The following KMT2C variants were observed in gnomAD, a reference collection of about 807,000 sequenced individuals.
KMT2C encodes histone-lysine N-methyltransferase 2C.
KMT2C carries 88 observed loss-of-function variants against 507.9 expected under a neutral mutation model. The ratio of observed to expected loss-of-function variants is 0.17; its 90% CI spans 0.15 to 0.21. The LOEUF (loss-of-function observed/expected upper bound fraction) is 0.21, where lower values mean the gene tolerates loss of function less well. Ranked by LOEUF, KMT2C falls within the 10% of genes least tolerant of loss-of-function variation. KMT2C has a pLI of 1.00. For synonymous variants in KMT2C, 2,049 were observed against 2,080.8 expected (o/e 0.98, Z 0.42); for missense variants, 4,954 against 5,957.8 (o/e 0.83, Z 5.55).
chr7:152,355,566 C>CA lies in KMT2C; in HGVS notation c.250+3020dup, dbSNP rs1341234180. 7.8e-4 allele frequency among the ~76,000 whole-genome samples: 117 copies of CA among 150,050 alleles called. 1 individual carries two copies. The highest frequency in any genetic ancestry group is 2.8e-3 in the African/African-American group (114 of 40,634). ...AGGAAAAAACAAAAAAACAAACAAA[C>CA]AAACAAAAAAAAACCAAGACAATGC... On this transcript the variant is annotated intron_variant, in intron 2 of 58. Transcript: ENST00000262189.
chr7:152,271,005 A>G (rs909145546), intron 7 of KMT2C, among the ~76,000 whole-genome samples: 5 of 152,162 alleles, frequency 3.3e-5, no homozygotes, highest in African/African-American at 1.2e-4. Context: ...CTTAGGAAGC[A>G]ACAGAAAATA....
intron 1 of KMT2C, among the ~76,000 whole-genome samples, chr7:152,399,717 AGAGG>A (rs1395928568): frequency 1.3e-5 from 2 of 152,244 alleles, no homozygotes; most frequent in East Asian, 3.9e-4. Flanking sequence ...TTGACAGGTA[AGAGG>A]GAGGGCAACA....
chr7:152,334,724 G>A (rs1589262110), intron 2 of KMT2C, among the ~76,000 whole-genome samples: 1 of 152,146 alleles, frequency 6.6e-6, no homozygotes, highest in South Asian at 2.1e-4. Context: ...CAGTCGCAAT[G>A]CTGCCAATGA....
intron 2 of KMT2C, 74 bp from the exon 3 acceptor site, chr7:152,330,813 A>G: frequency 7.5e-7 from 1 of 1,342,232 alleles, no homozygotes; most frequent in Non-Finnish European, 1.1e-6. Flanking sequence ...ATGTATCTAT[A>G]AAGCATAGGT....
chr7:152,149,575 G>A (rs1315954693), intron 51 of KMT2C, among the ~76,000 whole-genome samples: 1 of 152,272 alleles, frequency 6.6e-6, no homozygotes, highest in South Asian at 2.1e-4. Flanking sequence ...CTGCAGCATC[G>A]TTTCTTGAGA....
At chr7:152,350,779 C>A (rs2097104433) in intron 2 of KMT2C, among the ~76,000 whole-genome samples, 1 of 152,222 alleles carries the variant, frequency 6.6e-6, no homozygotes, top group African/African-American at 2.4e-5. Flanking sequence ...TATTATTTTT[C>A]TTTGCTCAGT....
chr7:152,383,538 A>G lies in KMT2C; in HGVS notation c.162-24863T>C, dbSNP rs574900362. Among the ~76,000 whole-genome samples, 74 of 151,640 alleles carry G rather than the reference A, an allele frequency of 4.9e-4. 1 individual carries two copies. The highest frequency in any genetic ancestry group is 1.6e-3 in the African/African-American group (65 of 40,896). On this transcript the variant is annotated intron_variant, in intron 1 of 58. Coordinates refer to ENST00000262189, the MANE Select transcript of KMT2C (RefSeq NM_170606.3). Reference sequence around the variant, plus strand: ...GGGAAACCCTGGGAAAGGAGGGATTATATTACACATGTTATGGGAACTAGT... The same window carrying G: ...GGGAAACCCTGGGAAAGGAGGGATTGTATTACACATGTTATGGGAACTAGT...
chr7:152,187,296 A>G lies in KMT2C; in HGVS notation c.4974T>C (p.Asn1658=). 1.2e-6 allele frequency: 2 copies of G among 1,614,004 alleles called. No homozygotes were observed. The highest frequency in any genetic ancestry group is 1.7e-6 in the Non-Finnish European group (2 of 1,179,936). Residue 1658 remains asparagine (N), a synonymous_variant, in exon 33 of 59, where the codon AAT becomes AAC. Coordinates refer to ENST00000262189, the MANE Select transcript of KMT2C (RefSeq NM_170606.3). The stretch of plus-strand genomic sequence containing the variant: ...CTTCCTTTAAGTTGGGGAAATTAAT[A>G]TTGGTGTAGAGAACTGGGGCAACAG... ...MATVAPVLYT[N]INFPNLKEEF...
At chr7:152,329,062 C>T (rs772239096) in intron 3 of KMT2C, among the ~76,000 whole-genome samples, 1 of 151,978 alleles carries the variant, frequency 6.6e-6, no homozygotes, top group Admixed American at 6.6e-5. Context: ...ACACGTGAGA[C>T]TCTTAAGGGC....
chr7:152,209,558 T>C (rs1291680096), intron 23 of KMT2C, among the ~76,000 whole-genome samples: 1 of 150,932 alleles, frequency 6.6e-6, no homozygotes, highest in Admixed American at 6.6e-5. Flanking sequence ...AAAAACACAC[T>C]GAAATAATCT....
rs1183345172 is a variant in KMT2C at position 152,249,673 on chromosome 7, C to CAAAA, written c.1813+199_1813+202dup. ...ATTTTTAATCATGACCTCCCCCCTC[C>CAAAA]AAAAAAAAAAAAAAAAAAAAAAAAA... is the stretch of plus-strand genomic sequence containing the variant. On this transcript the variant is annotated intron_variant, in intron 13 of 58. Coordinates refer to ENST00000262189, the MANE Select transcript of KMT2C (RefSeq NM_170606.3). 1.5e-3 allele frequency among the ~76,000 whole-genome samples: 51 copies of CAAAA among 34,506 alleles called. 2 individuals carry two copies. The highest frequency in any genetic ancestry group is 2.9e-3 in the African/African-American group (44 of 15,032). 22.6% of individuals were successfully genotyped at this position (34,506 alleles called of 152,430 possible).
At chr7:152,343,758 G>C (rs2097023637) in intron 2 of KMT2C, among the ~76,000 whole-genome samples, 1 of 152,126 alleles carries the variant, frequency 6.6e-6, no homozygotes, top group South Asian at 2.1e-4. Context: ...AATGAAATAT[G>C]TAACATGTTG....
chr7:152,258,923 A>G (rs1015385580), intron 9 of KMT2C, among the ~76,000 whole-genome samples: 1 of 152,166 alleles, frequency 6.6e-6, no homozygotes, highest in Non-Finnish European at 1.5e-5. Context: ...TATTAGATAC[A>G]AAGGAGGGGG....
In KMT2C at chr7:152,163,601, G is replaced by A. The variant is rs757102196; in HGVS notation, c.9976C>T (p.Pro3326Ser). 1 of 1,606,308 alleles carries A rather than the reference G, an allele frequency of 6.2e-7. No homozygotes were observed. ...CCAGGTAAACTGGGCATTCTAACAG[G>A]GCTAGTATGGCCAGAAATAACTGTT... The part of the protein sequence containing the change: ...HTTVISGHTS[P>S]VRMPSLPGWQ... The change falls in exon 43 of 59, where the codon CCT (proline) becomes TCT (serine). Residue 3326 changes from proline (P) to serine (S), a missense_variant. This residue lies in a region of KMT2C where 801 missense variants were observed against 751.2 expected (regional missense o/e 1.07). Transcript: ENST00000262189.
At chr7:152,340,534 A>G (rs1434886447) in intron 2 of KMT2C, among the ~76,000 whole-genome samples, 1 of 152,220 alleles carries the variant, frequency 6.6e-6, no homozygotes, top group Non-Finnish European at 1.5e-5. Flanking sequence ...CATTAGCACT[A>G]TATTAGAAAA....
At chr7:152,203,853 A>G (rs2094217287) in intron 25 of KMT2C, among the ~76,000 whole-genome samples, 1 of 152,222 alleles carries the variant, frequency 6.6e-6, no homozygotes, top group Non-Finnish European at 1.5e-5. Flanking sequence ...TAACCTAGCC[A>G]GAACATAAGG....
At chr7:152,397,884 A>G (rs1434091264) in intron 1 of KMT2C, among the ~76,000 whole-genome samples, 1 of 152,168 alleles carries the variant, frequency 6.6e-6, no homozygotes, top group Non-Finnish European at 1.5e-5. Flanking sequence ...CTATGAGTCT[A>G]TTAAACTTCT....
At chr7:152,372,817 A>AGTTCTCAGTTTTGGGGGTGCTGTATC (rs2097302299) in intron 1 of KMT2C, among the ~76,000 whole-genome samples, 1 of 152,184 alleles carries the variant, frequency 6.6e-6, no homozygotes, top group Non-Finnish European at 1.5e-5. Flanking sequence ...CCAGACAAAA[A>AGTTCTCAGTTTTGGGGGTGCTGTATC]TTAATAAGGA....
intron 6 of KMT2C, among the ~76,000 whole-genome samples, chr7:152,290,282 A>G (rs1365958309): frequency 3.0e-5 from 1 of 32,910 alleles, no homozygotes; most frequent in Non-Finnish European, 5.5e-5. Context: ...ATATATATAT[A>G]TATATATATA....
Sources: allele counts gnomAD v4.1 joint callset (sites outside exome capture counted in the v4.1 genomes callset), GRCh38; gene constraint gnomAD v4.1.1; regional missense constraint gnomAD v4.1.1; transcripts MANE v1.5; gene names NCBI Gene and HGNC (gene_info 2026-07-23, HGNC 2026-07-21).